ELF2: variants seen among roughly 807,000 people sequenced by gnomAD.
ELF2 encodes E74 like ETS transcription factor 2, also known as ETS-related transcription factor Elf-2.
A neutral mutation model predicts 54.8 loss-of-function variants in ELF2; 11 were observed. The observed-to-expected ratio is 0.20, with a 90% CI of 0.13 to 0.33. The LOEUF (loss-of-function observed/expected upper bound fraction) is 0.33, where lower values mean the gene tolerates loss of function less well. Among genes scored for constraint, ELF2 ranks in the 10% least tolerant of loss-of-function variants. ELF2 has a pLI of 1.00. For missense variants in ELF2, 513 were observed against 703.0 expected, an observed-to-expected ratio of 0.73 and a Z score of 3.06; for synonymous variants, 203 against 245.1, an observed-to-expected ratio of 0.83 and a Z score of 1.61.
intron 4 of ELF2, among the ~76,000 whole-genome samples, chr4:139,114,593 A>ACACACACACACACACACACACACC (rs1735373710): frequency 6.8e-6 from 1 of 146,234 alleles, no homozygotes; most frequent in Non-Finnish European, 1.5e-5. Context: ...ACACACACAC[A>ACACACACACACACACACACACACC]CACAATTTAG....
At chr4:139,099,654 C>T (rs905802392) in intron 4 of ELF2, among the ~76,000 whole-genome samples, 2 of 152,196 alleles carry the variant, frequency 1.3e-5, no homozygotes, top group African/African-American at 4.8e-5. Context: ...ATACACACAC[C>T]TCTTCCTCCT....
At chr4:139,105,705 A>T (rs574514132) in intron 4 of ELF2, among the ~76,000 whole-genome samples, 1 of 152,272 alleles carries the variant, frequency 6.6e-6, no homozygotes, top group Admixed American at 6.5e-5. Context: ...GGCAACATAC[A>T]GAGATTCCAT....
intron 4 of ELF2, chr4:139,084,113 A>G (rs1334073028): frequency 6.2e-7 from 1 of 1,613,024 alleles, no homozygotes; most frequent in Non-Finnish European, 8.5e-7. Flanking sequence ...TGCACGGGAG[A>G]AAAGTTCCCC....
chr4:139,114,355 G>A (rs1177504796), intron 4 of ELF2, among the ~76,000 whole-genome samples: 1 of 152,094 alleles, frequency 6.6e-6, no homozygotes, highest in Non-Finnish European at 1.5e-5. Context: ...CAGATCATGA[G>A]GTCAGGAGAT....
intron 4 of ELF2, among the ~76,000 whole-genome samples, chr4:139,112,905 A>C (rs1209084619): frequency 6.6e-6 from 1 of 152,092 alleles, no homozygotes; most frequent in African/African-American, 2.4e-5. Flanking sequence ...AAAAAAGATA[A>C]ATAAAAAAAA....
intron 1 of ELF2, among the ~76,000 whole-genome samples, chr4:139,153,667 C>T (rs564456028): frequency 6.6e-6 from 1 of 152,192 alleles, no homozygotes; most frequent in Non-Finnish European, 1.5e-5. Flanking sequence ...GATCTTTACC[C>T]TAAAACAGAA....
intron 4 of ELF2, among the ~76,000 whole-genome samples, chr4:139,076,048 G>A (rs1051882241): frequency 6.6e-6 from 1 of 152,076 alleles, no homozygotes; most frequent in Non-Finnish European, 1.5e-5. Context: ...CTTTTAATTG[G>A]GGGAAAAAAT....
intron 1 of ELF2, among the ~76,000 whole-genome samples, chr4:139,155,774 G>A (rs1740463549): frequency 6.6e-6 from 1 of 152,160 alleles, no homozygotes; most frequent in African/African-American, 2.4e-5. Flanking sequence ...AGGTCGTTTT[G>A]AGGAAAACCA....
intron 4 of ELF2, among the ~76,000 whole-genome samples, chr4:139,074,186 C>CAAAGA (rs1291522953): frequency 6.6e-6 from 1 of 152,022 alleles, no homozygotes; most frequent in African/African-American, 2.4e-5. Flanking sequence ...CAAAGGAAAA[C>CAAAGA]AAAGAAAGAT....
chr4:139,167,364 TC>T (rs1448745800), intron 1 of ELF2, among the ~76,000 whole-genome samples: 1 of 152,308 alleles, frequency 6.6e-6, no homozygotes. Flanking sequence ...ATCTAATGTC[TC>T]CCTTGGTTTG....
chr4:139,117,156 T>A (rs187422561), intron 4 of ELF2, among the ~76,000 whole-genome samples: 24 of 152,286 alleles, frequency 1.6e-4, no homozygotes, highest in African/African-American at 5.8e-4. Context: ...CTGTCCCCAG[T>A]GGTCAGAAGA....
At chr4:139,157,891 G>A (rs1465936327) in intron 1 of ELF2, among the ~76,000 whole-genome samples, 1 of 152,208 alleles carries the variant, frequency 6.6e-6, no homozygotes, top group Non-Finnish European at 1.5e-5. Context: ...TAAACTCGGG[G>A]CCAGTGGCGC....
chr4:139,154,679 C>T (rs917034470), intron 1 of ELF2, among the ~76,000 whole-genome samples: 2 of 152,028 alleles, frequency 1.3e-5, no homozygotes, highest in African/African-American at 4.8e-5. Flanking sequence ...GAACTTTACC[C>T]TGATAATGTA....
intron 3 of ELF2, among the ~76,000 whole-genome samples, chr4:139,131,067 C>T (rs1737442729): frequency 6.6e-6 from 1 of 152,122 alleles, no homozygotes; most frequent in Non-Finnish European, 1.5e-5. Flanking sequence ...TTTTACTTAG[C>T]ATTACTTTGC....
In ELF2 at chr4:139,148,482, T is replaced by C. The variant is rs187254984; in HGVS notation, c.-251-8985A>G. 1.7e-3 allele frequency among the ~76,000 whole-genome samples: 253 copies of C among 152,032 alleles called. No homozygotes were observed. In the Middle Eastern group the frequency reaches 0.017, roughly 10 times the overall value. On this transcript the variant is annotated intron_variant, in intron 1 of 9. Transcript: ENST00000686138. Reference sequence around the variant, plus strand: ...CTGAGCCATCATACCCAGCCTACTATGTGGTCTTTTGTGACTGGCTTCTTT... The same window carrying C: ...CTGAGCCATCATACCCAGCCTACTACGTGGTCTTTTGTGACTGGCTTCTTT...
chr4:139,083,183 G>T (rs531008945), intron 4 of ELF2, among the ~76,000 whole-genome samples: 3 of 80,670 alleles, frequency 3.7e-5, no homozygotes, highest in Admixed American at 1.0e-4. Flanking sequence ...GGGAGGTTTG[G>T]GGGGGGGTAG....
chr4:139,093,318 C>A (rs1732885559), intron 4 of ELF2, among the ~76,000 whole-genome samples: 1 of 151,984 alleles, frequency 6.6e-6, no homozygotes. Flanking sequence ...CCACAAAAAA[C>A]AAACAAACAA....
At chr4:139,155,230 T>A (rs944185216) in intron 1 of ELF2, 1 of 152,198 alleles carries the variant, frequency 6.6e-6, no homozygotes, top group Admixed American at 6.5e-5. Flanking sequence ...AGTTCTAAGC[T>A]GTAGTTCACT....
At chr4:139,090,661 C>A (rs987911621) in intron 4 of ELF2, among the ~76,000 whole-genome samples, 3 of 152,168 alleles carry the variant, frequency 2.0e-5, no homozygotes, top group Admixed American at 2.0e-4. Context: ...GTGGTATCAT[C>A]TTGGCTCAAT....
Sources: gnomAD v4.1 joint callset for allele counts (sites outside exome capture counted in the v4.1 genomes callset) on GRCh38, gnomAD v4.1.1 for gene constraint, MANE v1.5 for transcripts, NCBI Gene and HGNC (gene_info 2026-07-23, HGNC 2026-07-21) for gene names.